The following LHFPL6 variants were observed in gnomAD, a reference collection of about 807,000 sequenced individuals.
LHFPL6 encodes the protein LHFPL tetraspan subfamily member 6, also known as LHFPL tetraspan subfamily member 6 protein.
A neutral mutation model predicts 20.6 loss-of-function variants in LHFPL6; 9 were observed. The observed-to-expected ratio is 0.44, with a 90% CI of 0.26 to 0.76. The LOEUF is 0.76. Among genes scored for constraint, LHFPL6 ranks in the 30% least tolerant of loss-of-function variants. The probability of loss-of-function intolerance (pLI) is 0.20; values close to 1 mark genes in which losing one functional copy is unlikely to be tolerated. For synonymous variants in LHFPL6, 105 were observed against 98.7 expected (o/e 1.06, Z -0.38); for missense variants, 218 against 253.5 (o/e 0.86, Z 0.95).
chr13:39,511,323 T>C (rs1165637561), intron 2 of LHFPL6, among the ~76,000 whole-genome samples: 2 of 152,198 alleles, frequency 1.3e-5, no homozygotes, highest in Admixed American at 6.5e-5. Flanking sequence ...ATATTATACA[T>C]ACAGTCATTT....
At chr13:39,382,434 T>C (rs1224578707) in intron 2 of LHFPL6, among the ~76,000 whole-genome samples, 1 of 152,182 alleles carries the variant, frequency 6.6e-6, no homozygotes, top group Non-Finnish European at 1.5e-5. Flanking sequence ...AGATGGAGTC[T>C]TGCTGTTTCC....
chr13:39,407,352 T>G (rs1871136133), intron 2 of LHFPL6, among the ~76,000 whole-genome samples: 1 of 152,184 alleles, frequency 6.6e-6, no homozygotes, highest in Non-Finnish European at 1.5e-5. Flanking sequence ...CCCCACCTTC[T>G]GGCCATACTG....
At chr13:39,422,059 A>G (rs577537755) in intron 2 of LHFPL6, among the ~76,000 whole-genome samples, 1 of 152,322 alleles carries the variant, frequency 6.6e-6, no homozygotes, top group East Asian at 1.9e-4. Context: ...GGAGATGATC[A>G]TATCTCATGC....
intron 2 of LHFPL6, among the ~76,000 whole-genome samples, chr13:39,512,494 C>T (rs1245540796): frequency 2.0e-5 from 3 of 150,394 alleles, no homozygotes; most frequent in Admixed American, 6.6e-5. Flanking sequence ...CCCAGCTACT[C>T]GGGAGGCTGA....
intron 3 of LHFPL6, among the ~76,000 whole-genome samples, chr13:39,362,782 C>T (rs1869909968): frequency 6.6e-6 from 1 of 152,172 alleles, no homozygotes. Flanking sequence ...CCCAACTGAG[C>T]AAACAACCTA....
rs1555268309 is a variant in LHFPL6, at chr13:39,562,679, T to TAC, written c.385+38151_385+38152dup. Among the ~76,000 whole-genome samples the TAC allele has an allele frequency of 2.8e-3, 222 of 78,128 alleles. 2 individuals carry two copies. The highest frequency in any genetic ancestry group is 6.4e-3 in the South Asian group (15 of 2,360). 51.3% of individuals were successfully genotyped at this position (78,128 alleles called of 152,430 possible). On this transcript the variant is annotated intron_variant, in intron 2 of 3. Coordinates refer to ENST00000379589, the MANE Select transcript of LHFPL6 (RefSeq NM_005780.3). ...ATATACACATATATACACACATATA[T>TAC]ACACACACACACACACATATATATA... is the stretch of plus-strand genomic sequence containing the variant.
chr13:39,420,387 G>A (rs949195631), intron 2 of LHFPL6, among the ~76,000 whole-genome samples: 3 of 152,162 alleles, frequency 2.0e-5, no homozygotes, highest in Admixed American at 2.0e-4. Context: ...CATCATGGGG[G>A]AGAAATAGTA....
At chr13:39,389,075 C>T (rs889758450) in intron 2 of LHFPL6, among the ~76,000 whole-genome samples, 12 of 152,334 alleles carry the variant, frequency 7.9e-5, no homozygotes, top group African/African-American at 2.4e-4. Flanking sequence ...CTGCAATACA[C>T]TATCTCCTGC....
intron 2 of LHFPL6, among the ~76,000 whole-genome samples, chr13:39,446,500 A>G (rs1031742497): frequency 6.6e-6 from 1 of 152,156 alleles, no homozygotes; most frequent in Non-Finnish European, 1.5e-5. Context: ...CAGAGGCCCT[A>G]GGACATTCAG....
intron 2 of LHFPL6, among the ~76,000 whole-genome samples, chr13:39,493,473 A>G (rs987856275): frequency 6.6e-6 from 1 of 152,216 alleles, no homozygotes; most frequent in Non-Finnish European, 1.5e-5. Flanking sequence ...CACATGTAAA[A>G]GTTGTTTATG....
chr13:39,520,682 C>T (rs1870080121), intron 2 of LHFPL6, among the ~76,000 whole-genome samples: 1 of 152,126 alleles, frequency 6.6e-6, no homozygotes, highest in Non-Finnish European at 1.5e-5. Flanking sequence ...GGAGCCATGT[C>T]ACGGCCAGAC....
intron 2 of LHFPL6, among the ~76,000 whole-genome samples, chr13:39,574,702 A>G (rs1872054786): frequency 6.6e-6 from 1 of 152,180 alleles, no homozygotes; most frequent in African/African-American, 2.4e-5. Flanking sequence ...ATATGGATGT[A>G]CAAGAGGCTG....
At chr13:39,381,433 A>G (rs1355553423) in intron 2 of LHFPL6, among the ~76,000 whole-genome samples, 2 of 152,096 alleles carry the variant, frequency 1.3e-5, no homozygotes, top group Non-Finnish European at 2.9e-5. Context: ...GGTTTTAACA[A>G]TCACCCACTT....
intron 2 of LHFPL6, among the ~76,000 whole-genome samples, chr13:39,515,257 T>C (rs1224531642): frequency 2.6e-5 from 4 of 152,230 alleles, no homozygotes; most frequent in African/African-American, 7.2e-5. Flanking sequence ...CAAGAAGCAA[T>C]GCGCCTTCAG....
intron 2 of LHFPL6, among the ~76,000 whole-genome samples, chr13:39,446,417 C>G (rs1159828110): frequency 6.6e-6 from 1 of 152,208 alleles, no homozygotes; most frequent in African/African-American, 2.4e-5. Context: ...CGATGTACAG[C>G]TGGAGACAGC....
intron 2 of LHFPL6, among the ~76,000 whole-genome samples, chr13:39,569,176 T>C (rs879280249): frequency 0.034 from 2,707 of 80,792 alleles, 31 homozygotes; most frequent in Non-Finnish European, 0.052. Context: ...GATGGATGGA[T>C]GGATGGATGG....
intron 2 of LHFPL6, among the ~76,000 whole-genome samples, chr13:39,560,426 C>G (rs1010148694): frequency 1.3e-5 from 2 of 151,598 alleles, no homozygotes; most frequent in African/African-American, 4.8e-5. Context: ...TGCCTCTCAA[C>G]TACAGTCTTA....
At chr13:39,486,049 C>T (rs1445577340) in intron 2 of LHFPL6, among the ~76,000 whole-genome samples, 1 of 152,086 alleles carries the variant, frequency 6.6e-6, no homozygotes, top group Non-Finnish European at 1.5e-5. Flanking sequence ...ACAAAGTCTG[C>T]TGGGCCAGTA....
intron 2 of LHFPL6, among the ~76,000 whole-genome samples, chr13:39,530,140 G>A (rs970887511): frequency 9.2e-5 from 14 of 151,846 alleles, no homozygotes; most frequent in Admixed American, 4.6e-4. Flanking sequence ...TAACTAGCTG[G>A]GTGCAGTGGT....
Sources: allele counts gnomAD v4.1 joint callset (sites outside exome capture counted in the v4.1 genomes callset), GRCh38; gene constraint gnomAD v4.1.1; transcripts MANE v1.5; gene names NCBI Gene and HGNC (gene_info 2026-07-23, HGNC 2026-07-21).